Variants in DOCK1 observed in about 807,000 individuals in gnomAD.
The protein encoded by DOCK1 is dedicator of cytokinesis 1.
A neutral mutation model predicts 262.7 loss-of-function variants in DOCK1; 138 were observed. The ratio of observed to expected loss-of-function variants is 0.53; its 90% CI spans 0.46 to 0.61. The LOEUF (loss-of-function observed/expected upper bound fraction) is 0.61. DOCK1 is among the 20% of genes least tolerant of loss of function. DOCK1 has a pLI of 0.00. For missense variants in DOCK1, 1,908 were observed against 2,370.7 expected, an observed-to-expected ratio of 0.80 and a Z score of 4.05; for synonymous variants, 866 against 867.4, an observed-to-expected ratio of 1.00 and a Z score of 0.03.
chr10:127,088,463 G>A (rs532129390), intron 23 of DOCK1, among the ~76,000 whole-genome samples: 1 of 152,176 alleles, frequency 6.6e-6, no homozygotes, highest in South Asian at 2.1e-4. Context: ...TGTTTGTTTC[G>A]TTTGTCCTGG....
chr10:127,093,764 G>T (rs1453494537), intron 23 of DOCK1, among the ~76,000 whole-genome samples: 1 of 151,992 alleles, frequency 6.6e-6, no homozygotes, highest in Admixed American at 6.6e-5. Flanking sequence ...GTATTCACAG[G>T]CACCAGAATG....
At chr10:127,195,596 C>T (rs564344240) in intron 27 of DOCK1, among the ~76,000 whole-genome samples, 2 of 151,834 alleles carry the variant, frequency 1.3e-5, no homozygotes, top group East Asian at 3.9e-4. Flanking sequence ...TTAAAAGCCT[C>T]GAAACCTTCC....
chr10:127,414,242 A>T (rs1436734112), intron 43 of DOCK1, among the ~76,000 whole-genome samples: 1 of 152,112 alleles, frequency 6.6e-6, no homozygotes. Flanking sequence ...GCATTCCATT[A>T]TCCCATCTGC....
At chr10:127,321,191 C>T (rs1332359671) in intron 29 of DOCK1, among the ~76,000 whole-genome samples, 1 of 150,906 alleles carries the variant, frequency 6.6e-6, no homozygotes. Context: ...CCTTCTCTCC[C>T]TCTCGCTCTA....
chr10:126,937,600 A>G (rs1457433377), intron 1 of DOCK1, among the ~76,000 whole-genome samples: 2 of 150,472 alleles, frequency 1.3e-5, no homozygotes, highest in African/African-American at 4.9e-5. Context: ...CATTTTCTTA[A>G]GGGTTAGTGA....
chr10:126,927,656 C>T (rs2033854263), intron 1 of DOCK1, among the ~76,000 whole-genome samples: 2 of 152,112 alleles, frequency 1.3e-5, no homozygotes, highest in African/African-American at 4.8e-5. Flanking sequence ...GTGCTGGCCT[C>T]GAACTCCTGA....
At chr10:127,030,638 A>G (rs2043171535) in intron 16 of DOCK1, among the ~76,000 whole-genome samples, 1 of 152,224 alleles carries the variant, frequency 6.6e-6, no homozygotes, top group South Asian at 2.1e-4. Context: ...CCAAAGTGGC[A>G]CAAATATGGA....
At chr10:127,417,087 C>T (rs11017981) in intron 44 of DOCK1, among the ~76,000 whole-genome samples, 14,201 of 152,258 alleles carry the variant, frequency 0.093, 774 homozygotes, top group South Asian at 0.16. Flanking sequence ...CCTGCCCCAC[C>T]CCCAGCTCCC....
At chr10:126,935,488 C>T (rs2134210266) in intron 1 of DOCK1, among the ~76,000 whole-genome samples, 1 of 152,266 alleles carries the variant, frequency 6.6e-6, no homozygotes, top group South Asian at 2.1e-4. Flanking sequence ...CCTGCCCTGC[C>T]CTCTGTGCTG....
rs545896979 is a variant in DOCK1 at position 127,121,521 on chromosome 10, C to T, written c.2624-3953C>T. On this transcript the variant is annotated intron_variant, in intron 25 of 51. Transcript: ENST00000623213. ...TCCATCTGTCTGTTTTTGTAGTATA[C>T]GTTCCTCAGTGCTCTTGATTTGCTA... is the stretch of plus-strand genomic sequence containing the variant. Among the ~76,000 whole-genome samples the T allele has an allele frequency of 4.0e-5, 6 of 149,742 alleles. No homozygotes were observed. In the South Asian group the frequency reaches 6.4e-4, roughly 16 times the overall value.
chr10:127,354,536 G>A (rs914708410), intron 31 of DOCK1, 133 bp from the exon 32 acceptor site: 2 of 955,078 alleles, frequency 2.1e-6, no homozygotes, highest in African/African-American at 3.3e-5. Context: ...GGTGGCAAGA[G>A]AAGTTGAAGC....
intron 49 of DOCK1, among the ~76,000 whole-genome samples, chr10:127,439,895 C>T (rs2069977060): frequency 6.6e-6 from 1 of 152,168 alleles, no homozygotes. Flanking sequence ...GGAGCCGGCT[C>T]TCATCCTGGG....
At chr10:127,160,034 C>T (rs1043768368) in intron 27 of DOCK1, among the ~76,000 whole-genome samples, 1 of 151,920 alleles carries the variant, frequency 6.6e-6, no homozygotes, top group Non-Finnish European at 1.5e-5. Flanking sequence ...CCAAGCTCTG[C>T]TTAGTGTCTC....
rs562859812 is a variant in DOCK1 at position 127,188,387 on chromosome 10, T to A, written c.2848-59621T>A. 5.9e-5 allele frequency among the ~76,000 whole-genome samples: 9 copies of A among 152,322 alleles called. No homozygotes were observed. In the South Asian group the frequency reaches 6.2e-4, roughly 11 times the overall value. On this transcript the variant is annotated intron_variant, in intron 27 of 51. Coordinates refer to ENST00000623213, the MANE Select transcript of DOCK1 (RefSeq NM_001290223.2). ...AATAGGGCATATTCACACTTTTTTTTATGTATATATATTTCTGGTTGGAGA... is the reference window on the plus strand; with the variant it reads ...AATAGGGCATATTCACACTTTTTTTAATGTATATATATTTCTGGTTGGAGA...
At chr10:127,375,690 C>A (rs937590559) in intron 35 of DOCK1, among the ~76,000 whole-genome samples, 1 of 152,190 alleles carries the variant, frequency 6.6e-6, no homozygotes, top group Non-Finnish European at 1.5e-5. Context: ...CAGTCTTCGC[C>A]CCTTCATTGC....
intron 1 of DOCK1, among the ~76,000 whole-genome samples, chr10:126,959,800 C>G (rs1178075422): frequency 6.6e-6 from 1 of 152,128 alleles, no homozygotes; most frequent in African/African-American, 2.4e-5. Flanking sequence ...TAGTCAAGAT[C>G]CTGGTCTGCT....
At chr10:127,269,994 C>G (rs1461552195) in intron 29 of DOCK1, among the ~76,000 whole-genome samples, 1 of 152,178 alleles carries the variant, frequency 6.6e-6, no homozygotes, top group East Asian at 1.9e-4. Flanking sequence ...CTCTCAGGAA[C>G]CGGGGACTCC....
chr10:127,130,096 T>C (rs10082430), intron 27 of DOCK1, among the ~76,000 whole-genome samples: 7,015 of 127,028 alleles, frequency 0.055, 613 homozygotes, highest in African/African-American at 0.17. Flanking sequence ...TTTTTTTTTT[T>C]CCCCTGAGAT....
intron 40 of DOCK1, among the ~76,000 whole-genome samples, chr10:127,408,353 T>C (rs2067641772): frequency 6.6e-6 from 1 of 152,168 alleles, no homozygotes; most frequent in South Asian, 2.1e-4. Context: ...TTGACATGTG[T>C]TGATGAATAA....
Sources: gnomAD v4.1 joint callset for allele counts (sites outside exome capture counted in the v4.1 genomes callset) on GRCh38, gnomAD v4.1.1 for gene constraint, MANE v1.5 for transcripts, NCBI Gene and HGNC (gene_info 2026-07-23, HGNC 2026-07-21) for gene names.